Variants in DOK6 observed in about 807,000 individuals in gnomAD.
DOK6 encodes the protein docking protein 6.
A neutral mutation model predicts 44.0 loss-of-function variants in DOK6; 22 were observed. The ratio of observed to expected loss-of-function variants is 0.50; its 90% CI spans 0.36 to 0.71. The LOEUF (loss-of-function observed/expected upper bound fraction) is 0.71. DOK6 is among the 30% of genes least tolerant of loss of function. The pLI, the probability that DOK6 is intolerant of heterozygous loss-of-function variation, is 0.00. For synonymous variants in DOK6, 166 were observed against 145.5 expected, an observed-to-expected ratio of 1.14 and a Z score of -1.01; for missense variants, 340 against 416.4, an observed-to-expected ratio of 0.82 and a Z score of 1.60.
chr18:69,727,232 CCACACCTCT>C (rs1257449688), intron 5 of DOK6, among the ~76,000 whole-genome samples: 2 of 152,136 alleles, frequency 1.3e-5, no homozygotes, highest in Non-Finnish European at 2.9e-5. Context: ...CTCCCAAAGG[CCACACCTCT>C]CACTACCATC....
intron 1 of DOK6, among the ~76,000 whole-genome samples, chr18:69,460,103 C>T (rs1308053378): frequency 6.6e-6 from 1 of 152,080 alleles, no homozygotes; most frequent in Non-Finnish European, 1.5e-5. Flanking sequence ...AGTTTTTAAG[C>T]ACTTCTGTAC....
At chr18:69,602,706 T>G (rs1005231018) in intron 3 of DOK6, among the ~76,000 whole-genome samples, 1 of 152,182 alleles carries the variant, frequency 6.6e-6, no homozygotes, top group Non-Finnish European at 1.5e-5. Context: ...ATTCTTTCAA[T>G]CTAAAACTAT....
At chr18:69,687,563 TC>T (rs1986179896) in intron 4 of DOK6, among the ~76,000 whole-genome samples, 1 of 152,076 alleles carries the variant, frequency 6.6e-6, no homozygotes, top group African/African-American at 2.4e-5. Context: ...GCGCCTGAAG[TC>T]CCAGCTACTC....
intron 1 of DOK6, among the ~76,000 whole-genome samples, chr18:69,456,862 A>G (rs1042721044): frequency 5.9e-5 from 9 of 152,180 alleles, no homozygotes; most frequent in Admixed American, 5.2e-4. Context: ...GTGAAATGGT[A>G]TCTCACTGTG....
chr18:69,755,322 T>TA (rs898970078), intron 6 of DOK6, among the ~76,000 whole-genome samples: 30 of 151,626 alleles, frequency 2.0e-4, no homozygotes, highest in East Asian at 1.9e-4. Flanking sequence ...TCTCCCAGAA[T>TA]AAAAAAAAGA....
chr18:69,585,261 T>G (rs1488368869), intron 2 of DOK6, among the ~76,000 whole-genome samples: 1 of 151,854 alleles, frequency 6.6e-6, no homozygotes, highest in Non-Finnish European at 1.5e-5. Flanking sequence ...ACTCATGTTT[T>G]TTAGAAATCT....
At chr18:69,536,974 T>TTTATTATTATTATTA (rs780018877) in intron 1 of DOK6, among the ~76,000 whole-genome samples, 1,887 of 100,588 alleles carry the variant, frequency 0.019, 21 homozygotes, top group Non-Finnish European at 0.027. Flanking sequence ...CGACAGAAGA[T>TTTATTATTATTATTA]TTATCATTAT....
At chr18:69,604,361 G>A (rs1439892327) in intron 3 of DOK6, among the ~76,000 whole-genome samples, 3 of 152,194 alleles carry the variant, frequency 2.0e-5, no homozygotes, top group Non-Finnish European at 4.4e-5. Flanking sequence ...TATGGTTCGT[G>A]TAAGATTTTT....
chr18:69,725,287 C>T (rs1978300480), intron 5 of DOK6, among the ~76,000 whole-genome samples: 1 of 152,150 alleles, frequency 6.6e-6, no homozygotes. Context: ...GCCTTGCATG[C>T]AACGAGGGAT....
Position 69,401,158 on chromosome 18 carries a change from G to A in DOK6, c.-87G>A. Reference sequence around the variant, plus strand: ...TGCTGCTGGCGGCGGCCGGCTGGATGCGAGACCCGCGCAGACCCGGCGGCG... The same window carrying A: ...TGCTGCTGGCGGCGGCCGGCTGGATACGAGACCCGCGCAGACCCGGCGGCG... On this transcript the variant is annotated 5_prime_UTR_variant, in exon 1 of 8. The change abolishes an upstream ATG in the 5' untranslated region. Transcript: ENST00000382713. 1 of 1,348,316 alleles carries A rather than the reference G, an allele frequency of 7.4e-7. No individual in the cohort carries two copies. Among genetic ancestry groups the A allele is most frequent in the African/African-American group, 1.5e-5 (1 of 65,336 alleles). 83.5% of individuals were successfully genotyped at this position (1,348,316 alleles called of 1,614,324 possible).
intron 4 of DOK6, among the ~76,000 whole-genome samples, chr18:69,692,132 A>G (rs17081521): frequency 0.053 from 8,128 of 152,270 alleles, 526 homozygotes; most frequent in African/African-American, 0.15. Context: ...ACGGTGATGG[A>G]ACAAGCAGGA....
intron 1 of DOK6, among the ~76,000 whole-genome samples, chr18:69,481,924 G>T (rs1419259042): frequency 2.0e-5 from 3 of 152,174 alleles, no homozygotes; most frequent in Non-Finnish European, 4.4e-5. Context: ...TCTAACTGGT[G>T]TGAGATGGTA....
intron 1 of DOK6, among the ~76,000 whole-genome samples, chr18:69,477,193 A>T: frequency 6.6e-6 from 1 of 152,180 alleles, no homozygotes; most frequent in East Asian, 1.9e-4. Context: ...TTTGAAATAA[A>T]CTTTAGAGCA....
At chr18:69,708,126 A>G (rs577385664) in intron 5 of DOK6, among the ~76,000 whole-genome samples, 13 of 152,348 alleles carry the variant, frequency 8.5e-5, no homozygotes, top group African/African-American at 3.1e-4. Flanking sequence ...GTCAAAAAAT[A>G]AATTGGACTT....
intron 7 of DOK6, among the ~76,000 whole-genome samples, chr18:69,810,278 C>T (rs1595172): frequency 0.95 from 144,111 of 152,092 alleles, 68,771 homozygotes; most frequent in East Asian, 1. Flanking sequence ...AGAATGAATT[C>T]AGACACATCT....
chr18:69,618,765 T>C (rs953224601), intron 3 of DOK6: 1 of 152,170 alleles, frequency 6.6e-6, no homozygotes, highest in Non-Finnish European at 1.5e-5. Flanking sequence ...CCACAACACA[T>C]GGGAATTATG....
intron 2 of DOK6, among the ~76,000 whole-genome samples, chr18:69,564,834 TAACTC>T (rs1449968477): frequency 6.6e-6 from 1 of 152,214 alleles, no homozygotes; most frequent in Non-Finnish European, 1.5e-5. Flanking sequence ...AGATGACTCA[TAACTC>T]AACCAAATCC....
intron 3 of DOK6, among the ~76,000 whole-genome samples, chr18:69,655,403 G>T (rs1376998492): frequency 1.3e-5 from 2 of 152,096 alleles, no homozygotes; most frequent in Non-Finnish European, 2.9e-5. Flanking sequence ...AATAAAATTA[G>T]TCTATCTGAG....
chr18:69,664,226 C>T (rs1985599958), intron 3 of DOK6, among the ~76,000 whole-genome samples: 1 of 152,146 alleles, frequency 6.6e-6, no homozygotes, highest in Admixed American at 6.5e-5. Context: ...CGAATTTCAT[C>T]ATTACTCAGA....
Sources: gnomAD v4.1 joint callset for allele counts (sites outside exome capture counted in the v4.1 genomes callset) on GRCh38, gnomAD v4.1.1 for gene constraint, MANE v1.5 for transcripts, NCBI Gene and HGNC (gene_info 2026-07-23, HGNC 2026-07-21) for gene names.